PEX14: variants seen among roughly 807,000 people sequenced by gnomAD.
PEX14 encodes the protein peroxisomal membrane protein PEX14.
PEX14 carries 15 observed loss-of-function variants against 49.5 expected under a neutral mutation model. That is an observed-to-expected ratio of 0.30 (90% CI 0.20 to 0.47). The LOEUF (loss-of-function observed/expected upper bound fraction) is 0.47. PEX14 is among the 20% of genes least tolerant of loss of function. PEX14 has a pLI of 1.00. For missense variants in PEX14, 398 were observed against 494.8 expected, an observed-to-expected ratio of 0.80 and a Z score of 1.86; for synonymous variants, 210 against 212.7, an observed-to-expected ratio of 0.99 and a Z score of 0.11.
Position 10,629,659 on chromosome 1 carries a change from A to G in PEX14, c.806A>G (p.Asn269Ser), listed in dbSNP as rs1221175194. ...HSSSDISPVS[N>S]ESTSSSPGKE... is the part of the protein sequence containing the mutation. ...AGCAGCGACATCTCACCTGTCAGCA[A>G]CGAGTCCACGTCGTCCTCGCCTGGG... The change falls in exon 9 of 9, where the codon AAC becomes AGC. Residue 269 changes from asparagine to serine, a missense_variant. Asn to Ser is a conservative substitution (Grantham distance 46). Transcript: ENST00000356607. The surrounding 1 kb of genome is among the most constrained non-coding windows in gnomAD (Gnocchi z 8.5). 1 of 1,613,908 alleles carries G rather than the reference A, an allele frequency of 6.2e-7. No individual in the cohort carries two copies. The highest frequency in any genetic ancestry group is 8.5e-7 in the Non-Finnish European group (1 of 1,179,942).
chr1:10,599,570 A>G (rs1339552439), intron 4 of PEX14, among the ~76,000 whole-genome samples: 1 of 152,270 alleles, frequency 6.6e-6, no homozygotes, highest in Non-Finnish European at 1.5e-5. Flanking sequence ...TTAAGAAGAG[A>G]CAAGGGATCA....
rs992635691 is a variant in PEX14 at position 10,536,054 on chromosome 1, C to G, written c.85-159C>G. On this transcript the variant is annotated intron_variant, in intron 2 of 8. Transcript: ENST00000356607. ...AAGACAGGGAAACAACATCGCCTTTCATTTAGGTAGATTTTAAGTTTAAGA... is the reference window on the plus strand; with the variant it reads ...AAGACAGGGAAACAACATCGCCTTTGATTTAGGTAGATTTTAAGTTTAAGA... 5.5e-5 allele frequency: 37 copies of G among 667,608 alleles called. No individual in the cohort carries two copies. The African/African-American group carries it at 6.3e-4, about 11-fold the overall frequency. 41.4% of individuals were successfully genotyped at this position (667,608 alleles called of 1,614,324 possible).
At chr1:10,581,732 A>C (rs970135450) in intron 3 of PEX14, among the ~76,000 whole-genome samples, 3 of 146,632 alleles carry the variant, frequency 2.0e-5, no homozygotes, top group Non-Finnish European at 4.5e-5. Flanking sequence ...AGTTTATAAT[A>C]ATTTATATTT....
chr1:10,542,820 T>C (rs1260009988), intron 3 of PEX14, among the ~76,000 whole-genome samples: 3 of 152,204 alleles, frequency 2.0e-5, no homozygotes, highest in African/African-American at 7.2e-5. Context: ...TTTAGGTTGA[T>C]TCCTATCTTC....
At chr1:10,533,056 TC>T (rs1557830758) in intron 2 of PEX14, among the ~76,000 whole-genome samples, 1 of 152,204 alleles carries the variant, frequency 6.6e-6, no homozygotes, top group East Asian at 1.9e-4. Flanking sequence ...TAGTGCCAGT[TC>T]CTTGCGGGGA....
chr1:10,623,008 G>C lies in PEX14; in HGVS notation c.385-11G>C, dbSNP rs377127119. The C allele has an allele frequency of 1.9e-6, 3 of 1,597,682 alleles. No homozygotes were observed. Among genetic ancestry groups the C allele is most frequent in the Non-Finnish European group, 2.6e-6 (3 of 1,166,552 alleles). ...CCGTATGCATTCCTCACCCTGTCCC[G>C]CTTCTTGCAGAAATACCTGCTCCCC... is the stretch of plus-strand genomic sequence containing the variant. On this transcript the variant is annotated splice_polypyrimidine_tract_variant and intron_variant, in intron 5 of 8. Coordinates refer to ENST00000356607, the MANE Select transcript of PEX14 (RefSeq NM_004565.3). This position sits in a 1 kb window ranked among gnomAD's most constrained non-coding sequence, Gnocchi z 4.4.
intron 4 of PEX14, among the ~76,000 whole-genome samples, chr1:10,608,175 C>T (rs1641176701): frequency 6.6e-6 from 1 of 152,072 alleles, no homozygotes; most frequent in Admixed American, 6.5e-5. Context: ...ACCATGTTGC[C>T]CAGGCATGAG....
chr1:10,580,812 T>C (rs1256348679), intron 3 of PEX14, among the ~76,000 whole-genome samples: 1 of 152,060 alleles, frequency 6.6e-6, no homozygotes, highest in Non-Finnish European at 1.5e-5. Context: ...ATTTTTATTA[T>C]ATTTTTATTC....
intron 1 of PEX14, among the ~76,000 whole-genome samples, chr1:10,489,771 G>C (rs1641438737): frequency 6.6e-6 from 1 of 152,182 alleles, no homozygotes; most frequent in African/African-American, 2.4e-5. Flanking sequence ...AGTGGGTGGC[G>C]TGCTCTGCTG....
chr1:10,618,817 T>C (rs1310734551), intron 5 of PEX14, among the ~76,000 whole-genome samples: 1 of 152,242 alleles, frequency 6.6e-6, no homozygotes, highest in Non-Finnish European at 1.5e-5. Context: ...GAGCCCTGGC[T>C]CTGCCCCTCA....
At chr1:10,542,886 G>C (rs1215152038) in intron 3 of PEX14, among the ~76,000 whole-genome samples, 2 of 152,162 alleles carry the variant, frequency 1.3e-5, no homozygotes, top group East Asian at 3.9e-4. Context: ...TGTTGAACGC[G>C]TGTTGGTTTG....
intron 4 of PEX14, among the ~76,000 whole-genome samples, chr1:10,608,663 A>G (rs973979302): frequency 2.0e-5 from 1 of 50,896 alleles, no homozygotes; most frequent in African/African-American, 8.8e-5. Context: ...ACTCCGTCTC[A>G]AAAAAAAAAA....
chr1:10,618,549 G>C, intron 5 of PEX14, 132 bp downstream of exon 5: 1 of 760,066 alleles, frequency 1.3e-6, no homozygotes, highest in Admixed American at 2.0e-5. Context: ...GAGAGGCTGT[G>C]GTAGAGGTCG....
intron 4 of PEX14, 36 bp downstream of exon 4, chr1:10,599,402 T>C: frequency 1.9e-6 from 3 of 1,613,266 alleles, no homozygotes; most frequent in Non-Finnish European, 2.5e-6. Flanking sequence ...TTAACCTTGA[T>C]TGGGATTCAG....
chr1:10,588,827 A>C (rs952558012), intron 3 of PEX14, among the ~76,000 whole-genome samples: 3 of 152,192 alleles, frequency 2.0e-5, no homozygotes, highest in Admixed American at 6.5e-5. Flanking sequence ...CTTTAAGTGA[A>C]ACAGAGAATG....
At chr1:10,577,257 C>T (rs564046215) in intron 3 of PEX14, among the ~76,000 whole-genome samples, 9 of 150,762 alleles carry the variant, frequency 6.0e-5, no homozygotes, top group Non-Finnish European at 1.3e-4. Context: ...ATTAGCTGGG[C>T]TTGGTGGCAC....
At chr1:10,609,181 T>C (rs1172607985) in intron 4 of PEX14, among the ~76,000 whole-genome samples, 1 of 152,246 alleles carries the variant, frequency 6.6e-6, no homozygotes, top group African/African-American at 2.4e-5. Context: ...ACATTTAGAT[T>C]GTCTCCAATT....
Position 10,599,335 on chromosome 1 carries a change from C to G in PEX14, c.267C>G (p.Val89=), listed in dbSNP as rs146359055. 258 of 1,614,172 alleles carry G rather than the reference C, an allele frequency of 1.6e-4. 1 individual carries two copies. In the African/African-American group the frequency reaches 3.1e-3, roughly 19 times the overall value. ...GCCCAGCCACACAGGTGGTTCCTGT[C>G]CAGCCCCCTCACCTCATATCTCAGC... is the stretch of plus-strand genomic sequence containing the variant. ...SLGPATQVVP[V]QPPHLISQPY... Residue 89 remains valine (V), a synonymous_variant, in exon 4 of 9, where the codon GTC becomes GTG. Coordinates refer to ENST00000356607, the MANE Select transcript of PEX14 (RefSeq NM_004565.3).
intron 2 of PEX14, among the ~76,000 whole-genome samples, chr1:10,513,633 T>G (rs1641921436): frequency 6.6e-6 from 1 of 152,188 alleles, no homozygotes; most frequent in African/African-American, 2.4e-5. Flanking sequence ...GAAGGATCAT[T>G]TAGTGCTCAT....
Sources: gnomAD v4.1 joint callset for allele counts (sites outside exome capture counted in the v4.1 genomes callset) on GRCh38, gnomAD v4.1.1 for gene constraint, Gnocchi (gnomAD v3.1) non-coding constraint, MANE v1.5 for transcripts, NCBI Gene and HGNC (gene_info 2026-07-23, HGNC 2026-07-21) for gene names.